The following MEIOB variants were observed in gnomAD, a reference collection of about 807,000 sequenced individuals.
The protein encoded by MEIOB is meiosis specific with OB-fold, also known as meiosis-specific with OB domain-containing protein.
Under a neutral mutation model 53.1 loss-of-function variants are expected in MEIOB, and 50 were observed. The ratio of observed to expected loss-of-function variants is 0.94; its 90% confidence interval spans 0.75 to 1.19. The LOEUF (loss-of-function observed/expected upper bound fraction) is 1.19. Ranked by LOEUF, MEIOB falls within the 50% of genes most tolerant of loss-of-function variation. The probability of loss-of-function intolerance (pLI) is 0.00; values close to 1 mark genes in which losing one functional copy is unlikely to be tolerated. For synonymous variants in MEIOB, 192 were observed against 182.5 expected (o/e 1.05, Z -0.42); for missense variants, 551 against 550.8 (o/e 1.00, Z 0.00).
At chr16:1,837,649 G>C (rs1898785425) in intron 13 of MEIOB, 135 bp downstream of exon 13, 2 of 501,796 alleles carry the variant, frequency 4.0e-6, no homozygotes, top group South Asian at 8.9e-5. Context: ...TTTTAGGATA[G>C]CTGAATCCTT....
At chr16:1,870,293 G>A (rs924734400) in intron 1 of MEIOB, among the ~76,000 whole-genome samples, 26 of 152,176 alleles carry the variant, frequency 1.7e-4, no homozygotes, top group African/African-American at 3.1e-4. Context: ...TCAGATGAAC[G>A]AAATGGTGGT....
At chr16:1,839,556 G>T in intron 11 of MEIOB, 118 bp from the exon 12 acceptor site, 1 of 884,400 alleles carries the variant, frequency 1.1e-6, no homozygotes, top group Non-Finnish European at 1.7e-6. Flanking sequence ...CTTACTGAGT[G>T]TTCAGTGCTA....
chr16:1,848,371 T>C (rs1053022919), intron 9 of MEIOB, among the ~76,000 whole-genome samples: 2 of 152,150 alleles, frequency 1.3e-5, no homozygotes, highest in Non-Finnish European at 2.9e-5. Context: ...TTAAGCATCA[T>C]CTATGATAAC....
chr16:1,865,803 A>G lies in MEIOB; in HGVS notation c.102T>C (p.Asp34=), dbSNP rs564107310. 1.3e-6 allele frequency: 2 copies of G among 1,549,082 alleles called. No homozygotes were observed. Among genetic ancestry groups the G allele is most frequent in the Admixed American group, 4.0e-5 (2 of 50,364 alleles). The part of the protein sequence containing the change: ...KVIGIVIGKT[D]VKGFPDRKNI... ...TTTTTCTGTCTGGAAAGCCTTTGAC[A>G]TCTGTTTTCCCAATAACTATACCGA... Residue 34 remains aspartate, a synonymous_variant, in exon 3 of 14, where the codon GAT becomes GAC. Transcript: ENST00000325962.
intron 13 of MEIOB, among the ~76,000 whole-genome samples, chr16:1,836,571 A>C (rs1898754869): frequency 6.8e-6 from 1 of 147,550 alleles, no homozygotes; most frequent in African/African-American, 2.4e-5. Flanking sequence ...TTGGCCTGGT[A>C]GTGAAGAGGC....
chr16:1,852,896 T>A, intron 9 of MEIOB, 143 bp downstream of exon 9: 1 of 598,312 alleles, frequency 1.7e-6, no homozygotes, highest in East Asian at 2.9e-5. Context: ...CATTGTAAGT[T>A]TTTAAAAAAG....
At chr16:1,838,346 A>C (rs1417390314) in intron 12 of MEIOB, among the ~76,000 whole-genome samples, 1 of 152,300 alleles carries the variant, frequency 6.6e-6, no homozygotes, top group East Asian at 1.9e-4. Context: ...AGGCTATATA[A>C]GCAAAATCTC....
chr16:1,837,748 T>C (rs1404305021), intron 13 of MEIOB, 36 bp downstream of exon 13: 2 of 1,046,526 alleles, frequency 1.9e-6, no homozygotes, highest in Admixed American at 5.6e-5. Context: ...GAATAATAAA[T>C]ATATAGAATA....
intron 9 of MEIOB, among the ~76,000 whole-genome samples, chr16:1,849,281 G>A (rs144101391): frequency 4.1e-4 from 62 of 151,582 alleles, no homozygotes; most frequent in African/African-American, 1.2e-3. Flanking sequence ...GGCTGGGCGC[G>A]GTGGCTCACA....
chr16:1,865,912 A>G, intron 2 of MEIOB, 77 bp from the exon 3 acceptor site: 1 of 955,394 alleles, frequency 1.0e-6, no homozygotes, highest in Non-Finnish European at 1.6e-6. Flanking sequence ...TGGGCTTGTT[A>G]TACTTTACTG....
At chr16:1,857,681 T>A in intron 6 of MEIOB, 54 bp downstream of exon 6, 1 of 1,403,664 alleles carries the variant, frequency 7.1e-7, no homozygotes, top group Non-Finnish European at 9.8e-7. Context: ...ACAGATCAAG[T>A]GACTGCACCT....
intron 12 of MEIOB, 28 bp from the exon 13 acceptor site, chr16:1,837,898 T>C (rs1898792547): frequency 6.8e-7 from 1 of 1,476,342 alleles, no homozygotes; most frequent in Admixed American, 2.6e-5. Context: ...ATGAGACAAA[T>C]ATATTTGAAG....
chr16:1,860,432 TCTTTCTATTTC>T lies in MEIOB; in HGVS notation c.292_302del (p.Glu98ArgfsTer10). ...GAGTTGCAGGGCTGAATTTTTCTTC[TCTTTCTATTTC>T]CTTTCTTTGGATCAGAGGATTTTCA... is the stretch of plus-strand genomic sequence containing the variant. On this transcript the variant is annotated frameshift_variant, in exon 5 of 14. Coordinates refer to ENST00000325962, the MANE Select transcript of MEIOB (RefSeq NM_001163560.3). LOFTEE classifies it high-confidence loss of function. The T allele has an allele frequency of 6.5e-7, 1 of 1,547,202 alleles. No individual in the cohort carries two copies. The highest frequency in any genetic ancestry group is 8.7e-7 in the Non-Finnish European group (1 of 1,143,252).
chr16:1,835,482 C>G (rs1193035120), intron 13 of MEIOB, among the ~76,000 whole-genome samples: 1 of 152,010 alleles, frequency 6.6e-6, no homozygotes. Context: ...GACATATCAA[C>G]CACTTTAATT....
intron 9 of MEIOB, among the ~76,000 whole-genome samples, chr16:1,849,275 G>T (rs1272839512): frequency 6.6e-6 from 1 of 151,922 alleles, no homozygotes; most frequent in Non-Finnish European, 1.5e-5. Context: ...AAAAAAGGCT[G>T]GGCGCGGTGG....
chr16:1,869,657 T>C (rs1428853078), intron 1 of MEIOB, among the ~76,000 whole-genome samples: 1 of 151,046 alleles, frequency 6.6e-6, no homozygotes, highest in African/African-American at 2.4e-5. Context: ...TTCACCGTGT[T>C]AGCCAGGATG....
intron 10 of MEIOB, among the ~76,000 whole-genome samples, chr16:1,844,525 G>A (rs1015734568): frequency 1.3e-5 from 2 of 151,732 alleles, no homozygotes; most frequent in African/African-American, 4.8e-5. Context: ...ACCCAGGCTG[G>A]ATCTCAGCTC....
chr16:1,871,511 G>A (rs1427377449), intron 1 of MEIOB, among the ~76,000 whole-genome samples: 2 of 122,870 alleles, frequency 1.6e-5, no homozygotes, highest in Non-Finnish European at 1.6e-5. Flanking sequence ...GAGCCACCGC[G>A]CCCGGCCCTT....
At chr16:1,865,888 T>A (rs1230009575) in intron 2 of MEIOB, 53 bp from the exon 3 acceptor site, 3 of 1,233,278 alleles carry the variant, frequency 2.4e-6, no homozygotes, top group Non-Finnish European at 3.4e-6. Flanking sequence ...ATGTACTTGA[T>A]AAATTTAATT....
Sources: allele counts gnomAD v4.1 joint callset (sites outside exome capture counted in the v4.1 genomes callset), GRCh38; gene constraint gnomAD v4.1.1; transcripts MANE v1.5; gene names NCBI Gene and HGNC (gene_info 2026-07-23, HGNC 2026-07-21).